YOD1: variants seen among roughly 807,000 people sequenced by gnomAD.
YOD1 encodes the protein ubiquitin thioesterase OTU1.
A neutral mutation model predicts 23.7 loss-of-function variants in YOD1; 17 were observed. That is an observed-to-expected ratio of 0.72 (90% CI 0.49 to 1.07). The LOEUF is 1.07. YOD1 is among the 50% of genes least tolerant of loss of function. The probability of loss-of-function intolerance (pLI) is 0.00; values close to 1 mark genes in which losing one functional copy is unlikely to be tolerated. For missense variants in YOD1, 413 were observed against 447.2 expected (o/e 0.92, Z 0.69); for synonymous variants, 191 against 169.6 (o/e 1.13, Z -0.98).
Position 207,046,021 on chromosome 1 carries a change from A to AT in YOD1, c.*2998dup, listed in dbSNP as rs1238037073. 1.1e-4 allele frequency: 16 copies of AT among 152,114 alleles called. No individual in the cohort carries two copies. In the East Asian group the frequency reaches 3.1e-3, roughly 29 times the overall value. The allele number at this position is 152,114 out of a possible 1,614,324, so 9.4% of individuals were successfully genotyped here. A position where few individuals can be genotyped will look rare whatever the true frequency, so the allele number is the denominator to read the frequency against. On this transcript the variant is annotated 3_prime_UTR_variant, in exon 2 of 2. Transcript: ENST00000315927. ...CTTCACTTGGCTAACACATCACAAA[A>AT]TTTCCAGGTATGTTAAATTTTAGCT... is the stretch of plus-strand genomic sequence containing the variant.
chr1:207,050,477 G>A (rs1682711697), intron 1 of YOD1, among the ~76,000 whole-genome samples: 1 of 152,180 alleles, frequency 6.6e-6, no homozygotes, highest in Non-Finnish European at 1.5e-5. Flanking sequence ...AAGGCTTTGG[G>A]TTCCCTTTCA....
At chr1:207,050,567 C>T in intron 1 of YOD1, 121 bp downstream of exon 1, 1 of 1,323,242 alleles carries the variant, frequency 7.6e-7, no homozygotes, top group East Asian at 2.4e-5. Flanking sequence ...CTATCCTCGC[C>T]CCTGGCCTCA....
chr1:207,052,371 C>T, upstream of YOD1: 2 of 714,074 alleles, frequency 2.8e-6, no homozygotes. Flanking sequence ...GTTAGAAGTC[C>T]ACCGGGGTGG....
rs1682678925 is a variant in YOD1, at chr1:207,049,414, G to A, written c.653C>T (p.Thr218Ile). 1 of 1,614,138 alleles carries A rather than the reference G, an allele frequency of 6.2e-7. No individual in the cohort carries two copies. ...CGATATCTCTATTGCTCCTCCCCAAGTGTCATCCCTTTTGATCCAGTCACA... is the reference window on the plus strand; with the variant it reads ...CGATATCTCTATTGCTCCTCCCCAAATGTCATCCCTTTTGATCCAGTCACA... The part of the protein sequence containing the change: ...EYCDWIKRDD[T>I]WGGAIEISIL... Residue 218 changes from threonine (T) to isoleucine (I), a missense_variant, in exon 2 of 2, where the codon ACT (threonine) becomes ATT (isoleucine). Thr to Ile is a moderately conservative substitution (Grantham distance 89). Transcript: ENST00000315927.
At position 207,045,931 on chromosome 1, in the gene YOD1, A is replaced by G. The variant is rs1215920544; in HGVS notation, c.*3089T>C. The G allele has an allele frequency of 6.6e-6, 1 of 152,110 alleles. No individual in the cohort carries two copies. The highest frequency in any genetic ancestry group is 1.5e-5 in the Non-Finnish European group (1 of 67,932). The allele number at this position is 152,110 out of a possible 1,614,324, so 9.4% of individuals were successfully genotyped here. A position where few individuals can be genotyped will look rare whatever the true frequency, so the allele number is the denominator to read the frequency against. On this transcript the variant is annotated 3_prime_UTR_variant, in exon 2 of 2. Transcript: ENST00000315927. ...TCAAGGGTACCACTTGACTATGCTA[A>G]TTTCATGGGAAACAATGAAGAAATC...
Position 207,051,099 on chromosome 1 carries a change from A to G in YOD1, c.-69T>C. On this transcript the variant is annotated 5_prime_UTR_variant, in exon 1 of 2. Coordinates refer to ENST00000315927, the MANE Select transcript of YOD1 (RefSeq NM_018566.4). The stretch of plus-strand genomic sequence containing the variant: ...GCGGCTTCTGCCTTAGTACCTTAGC[A>G]AGCGCGAACTCTTTTAAAGTGACAA... The G allele has an allele frequency of 7.0e-7, 1 of 1,435,840 alleles. No homozygotes were observed. Among genetic ancestry groups the G allele is most frequent in the Non-Finnish European group, 9.1e-7 (1 of 1,099,318 alleles). 88.9% of individuals were successfully genotyped at this position (1,435,840 alleles called of 1,614,324 possible).
chr1:207,049,830 T>G, intron 1 of YOD1, 107 bp from the exon 2 acceptor site: 1 of 1,015,394 alleles, frequency 9.8e-7, no homozygotes, highest in Non-Finnish European at 1.4e-6. Flanking sequence ...AAGCATAAAC[T>G]GGGGTTACTA....
upstream of YOD1, chr1:207,052,387 C>T: frequency 3.3e-6 from 2 of 614,182 alleles, no homozygotes; most frequent in Non-Finnish European, 2.9e-6. Context: ...GGTGGCCGGG[C>T]GCAGTGGCTC....
upstream of YOD1, chr1:207,052,063 T>C: frequency 1.3e-6 from 1 of 778,274 alleles, no homozygotes; most frequent in Non-Finnish European, 2.2e-6. Context: ...TCCATACTCA[T>C]TGTTCTTTAT....
chr1:207,050,690 G>C lies in YOD1; in HGVS notation c.341C>G (p.Ser114Cys). The change falls in exon 1 of 2, where the codon TCT becomes TGT. Residue 114 changes from serine (S) to cysteine (C), a missense_variant and splice_region_variant. By Grantham distance (112) the Ser-to-Cys change is moderately radical. Coordinates refer to ENST00000315927, the MANE Select transcript of YOD1 (RefSeq NM_018566.4). ...DTILEDLPIQ[S>C]GDMLIIEEDQ... ...TGGCCCCAGCCCTGATTCCTTACCA[G>C]ATTGGATGGGCAAGTCTTCCAGAAT... 6.2e-7 allele frequency: 1 copy of C among 1,613,122 alleles called. No homozygotes were observed. The highest frequency in any genetic ancestry group is 8.5e-7 in the Non-Finnish European group (1 of 1,179,994).
rs1682546197 is a variant in YOD1, at chr1:207,044,458, T to G, written c.*4562A>C. 6.6e-6 allele frequency: 1 copy of G among 152,570 alleles called. No individual in the cohort carries two copies. The highest frequency in any genetic ancestry group is 6.5e-5 in the Admixed American group (1 of 15,276). 9.5% of individuals were successfully genotyped at this position (152,570 alleles called of 1,614,324 possible). A position where few individuals can be genotyped will look rare whatever the true frequency, so the allele number is the denominator to read the frequency against. On this transcript the variant is annotated 3_prime_UTR_variant, in exon 2 of 2. Transcript: ENST00000315927. ...ACATAGCCTATACCAGTTTATAAAGTAGACTCATGTAATCATATTAGAAAT... is the reference window on the plus strand; with the variant it reads ...ACATAGCCTATACCAGTTTATAAAGGAGACTCATGTAATCATATTAGAAAT...
In YOD1 at chr1:207,050,840, G is replaced by A. The variant is rs970532602; in HGVS notation, c.191C>T (p.Ser64Phe). The A allele has an allele frequency of 8.1e-6, 13 of 1,612,822 alleles. No individual in the cohort carries two copies. In the Admixed American group the frequency reaches 2.2e-4, roughly 27 times the overall value. Residue 64 changes from serine (S) to phenylalanine (F), a missense_variant, in exon 1 of 2, where the codon TCC (serine) becomes TTC (phenylalanine). Coordinates refer to ENST00000315927, the MANE Select transcript of YOD1 (RefSeq NM_018566.4). ...GAGTTCCCGCACCCGGGTCCGGCTG[G>A]ACAGCCCCTGCAAAACATGGGTGCC... Reference protein sequence around the residue: ...KDGTHVLQGLSSRTRVRELQG... With the variant: ...KDGTHVLQGLFSRTRVRELQG...
At position 207,050,963 on chromosome 1, in the gene YOD1, G is replaced by C. The variant is rs1446758035; in HGVS notation, c.68C>G (p.Ser23Cys). 10 of 1,555,318 alleles carry C rather than the reference G, an allele frequency of 6.4e-6. No individual in the cohort carries two copies. Among genetic ancestry groups the C allele is most frequent in the Non-Finnish European group, 7.8e-6 (9 of 1,147,872 alleles). ...HPAPGFPGGV[S>C]QQAAGTKAGP... is the part of the protein sequence containing the mutation. ...AGCTTTGGTCCCGGCAGCCTGTTGG[G>C]AGACGCCGCCGGGGAAACCAGGCGC... The change falls in exon 1 of 2, where the codon TCC (serine) becomes TGC (cysteine). Residue 23 changes from serine to cysteine, a missense_variant. By Grantham distance (112) the Ser-to-Cys change is moderately radical (BLOSUM62 -1). Transcript: ENST00000315927.
upstream of YOD1, chr1:207,052,311 C>A: frequency 7.9e-7 from 1 of 1,260,238 alleles, no homozygotes; most frequent in South Asian, 1.2e-5. Flanking sequence ...ACGACTGCAA[C>A]GGATGATACA....
At chr1:207,052,422 G>A (rs940668910), upstream of YOD1, 3 of 516,524 alleles carry the variant, frequency 5.8e-6, no homozygotes, top group Non-Finnish European at 7.0e-6. Flanking sequence ...AGCACTTTGG[G>A]AGGCCGAGGC....
chr1:207,052,244 A>G (rs1175666656), upstream of YOD1: 2 of 1,611,402 alleles, frequency 1.2e-6, no homozygotes, highest in Admixed American at 1.7e-5. Flanking sequence ...ATCTTTTCAC[A>G]TCTTTCATGA....
rs1682632797 is a variant in YOD1 at position 207,047,723 on chromosome 1, A to G, written c.*1297T>C. 1 of 152,676 alleles carries G rather than the reference A, an allele frequency of 6.5e-6. No homozygotes were observed. Among genetic ancestry groups the G allele is most frequent in the African/African-American group, 2.4e-5 (1 of 41,474 alleles). The allele number at this position is 152,676 out of a possible 1,614,324, so 9.5% of individuals were successfully genotyped here. A position where few individuals can be genotyped will look rare whatever the true frequency, so the allele number is the denominator to read the frequency against. ...TAGTCCACTAAGCAAATGGCTACAC[A>G]TCTAGTACTAGGAAGAAGCAGAATT... On this transcript the variant is annotated 3_prime_UTR_variant, in exon 2 of 2. Coordinates refer to ENST00000315927, the MANE Select transcript of YOD1 (RefSeq NM_018566.4).
rs949743030 is a variant in YOD1 at position 207,048,676 on chromosome 1, C to G, written c.*344G>C. On this transcript the variant is annotated 3_prime_UTR_variant, in exon 2 of 2. Transcript: ENST00000315927. ...ACTCACAGGAGGCCTTCCACATTAC[C>G]CAAAATGTGATGCTTTCTTCTACAA... The G allele has an allele frequency of 1.3e-5, 3 of 226,702 alleles. No homozygotes were observed. Among genetic ancestry groups the G allele is most frequent in the African/African-American group, 2.3e-5 (1 of 43,342 alleles). The allele number at this position is 226,702 out of a possible 1,614,324, so 14.0% of individuals were successfully genotyped here.
At chr1:207,050,634 A>T in intron 1 of YOD1, 54 bp downstream of exon 1, 1 of 1,601,810 alleles carries the variant, frequency 6.2e-7, no homozygotes, top group Non-Finnish European at 8.5e-7. Flanking sequence ...GTTCTCTCTC[A>T]CGCCCCTCTC....
Sources: gnomAD v4.1 joint callset for allele counts (sites outside exome capture counted in the v4.1 genomes callset) on GRCh38, gnomAD v4.1.1 for gene constraint, MANE v1.5 for transcripts, NCBI Gene and HGNC (gene_info 2026-07-23, HGNC 2026-07-21) for gene names.